ARL15: variants seen among roughly 807,000 people sequenced by gnomAD.
ARL15 encodes the protein ADP-ribosylation factor-like protein 15.
In ARL15, 19 loss-of-function variants were observed where a neutral mutation model predicts 25.2. That is an observed-to-expected ratio of 0.75 (90% CI 0.53 to 1.10). The LOEUF (loss-of-function observed/expected upper bound fraction) is 1.10, where lower values mean the gene tolerates loss of function less well. Ranked by LOEUF, ARL15 falls within the 50% of genes least tolerant of loss-of-function variation. The pLI, the probability that ARL15 is intolerant of heterozygous loss-of-function variation, is 0.00. For synonymous variants in ARL15, 94 were observed against 86.8 expected, an observed-to-expected ratio of 1.08 and a Z score of -0.46; for missense variants, 220 against 246.0, an observed-to-expected ratio of 0.89 and a Z score of 0.71.
intron 4 of ARL15, among the ~76,000 whole-genome samples, chr5:53,932,144 C>T (rs702621): frequency 0.9 from 137,686 of 152,302 alleles, 62,561 homozygotes; most frequent in African/African-American, 0.94. Context: ...AGTGCCCACA[C>T]ATTGCTACAT....
At chr5:54,096,286 T>C (rs1386276522) in intron 4 of ARL15, among the ~76,000 whole-genome samples, 1 of 152,246 alleles carries the variant, frequency 6.6e-6, no homozygotes, top group African/African-American at 2.4e-5. Flanking sequence ...TCTTTGTACC[T>C]GTCATTCTGT....
At chr5:54,228,727 T>C (rs959522830) in intron 1 of ARL15, among the ~76,000 whole-genome samples, 2 of 152,182 alleles carry the variant, frequency 1.3e-5, no homozygotes, top group East Asian at 1.9e-4. Flanking sequence ...AAGAAAAATA[T>C]TCCCTTTAAT....
At chr5:54,180,967 G>A (rs1490022724) in intron 1 of ARL15, among the ~76,000 whole-genome samples, 1 of 152,080 alleles carries the variant, frequency 6.6e-6, no homozygotes, top group Non-Finnish European at 1.5e-5. Flanking sequence ...GGGCCCACGT[G>A]GCTCCCAGTC....
At chr5:54,062,356 G>A (rs866253556) in intron 4 of ARL15, among the ~76,000 whole-genome samples, 21 of 152,098 alleles carry the variant, frequency 1.4e-4, no homozygotes, top group Non-Finnish European at 2.2e-4. Flanking sequence ...AGGGGCCAGC[G>A]GCAGAACGAT....
At chr5:54,134,568 C>CTTTTTTTTTTTTTTTTTTTTTTTT (rs5867914) in intron 3 of ARL15, among the ~76,000 whole-genome samples, 2 of 51,774 alleles carry the variant, frequency 3.9e-5, no homozygotes, top group Non-Finnish European at 3.4e-5. Context: ...GAATGATTAG[C>CTTTTTTTTTTTTTTTTTTTTTTTT]TTTTTTTTTT....
At chr5:53,915,888 C>T (rs1276879593) in intron 4 of ARL15, among the ~76,000 whole-genome samples, 1 of 152,120 alleles carries the variant, frequency 6.6e-6, no homozygotes, top group African/African-American at 2.4e-5. Flanking sequence ...AGTGATTCGC[C>T]TCTTGGTTCC....
At chr5:53,887,556 T>C (rs1744573623) in intron 4 of ARL15, among the ~76,000 whole-genome samples, 2 of 152,208 alleles carry the variant, frequency 1.3e-5, no homozygotes, top group Admixed American at 1.3e-4. Flanking sequence ...TCTAGAAGTA[T>C]TGATGATCTT....
chr5:54,047,018 C>T (rs1212316039), intron 4 of ARL15, among the ~76,000 whole-genome samples: 1 of 152,112 alleles, frequency 6.6e-6, no homozygotes, highest in Non-Finnish European at 1.5e-5. Context: ...TCAGTAACCC[C>T]GGGAACTGGG....
chr5:54,006,595 G>A (rs1749053200), intron 4 of ARL15, among the ~76,000 whole-genome samples: 1 of 151,948 alleles, frequency 6.6e-6, no homozygotes, highest in Non-Finnish European at 1.5e-5. Flanking sequence ...ATTTTGCACA[G>A]AATGGAATTA....
chr5:54,225,915 T>A (rs923596441), intron 1 of ARL15, among the ~76,000 whole-genome samples: 2 of 152,130 alleles, frequency 1.3e-5, no homozygotes, highest in Admixed American at 1.3e-4. Flanking sequence ...GGAAAGCTGA[T>A]GGAAATGGGA....
At chr5:54,253,040 T>G (rs1054911726) in intron 1 of ARL15, among the ~76,000 whole-genome samples, 2 of 152,054 alleles carry the variant, frequency 1.3e-5, no homozygotes, top group Non-Finnish European at 2.9e-5. Context: ...GTCAAGTTTT[T>G]TTTTTTAAAA....
At chr5:54,233,307 G>A (rs1248665561) in intron 1 of ARL15, among the ~76,000 whole-genome samples, 1 of 151,990 alleles carries the variant, frequency 6.6e-6, no homozygotes, top group East Asian at 1.9e-4. Flanking sequence ...TGACTTACAG[G>A]CAAACTATAA....
chr5:54,101,321 A>C (rs2112178333), intron 4 of ARL15, among the ~76,000 whole-genome samples: 1 of 152,264 alleles, frequency 6.6e-6, no homozygotes, highest in East Asian at 1.9e-4. Flanking sequence ...AGTATAAATA[A>C]AAACAAATAA....
chr5:54,055,428 T>G (rs1275308844), intron 4 of ARL15, among the ~76,000 whole-genome samples: 1 of 150,392 alleles, frequency 6.6e-6, no homozygotes, highest in African/African-American at 2.5e-5. Flanking sequence ...TGGCGTGATC[T>G]TGGCTCACTG....
intron 3 of ARL15, among the ~76,000 whole-genome samples, chr5:54,148,085 ACT>A (rs887832470): frequency 1.8e-4 from 27 of 152,256 alleles, no homozygotes; most frequent in African/African-American, 6.0e-4. Flanking sequence ...ATAAAATGAG[ACT>A]CTGACGAAAG....
At chr5:54,023,468 G>T (rs1749679645) in intron 4 of ARL15, among the ~76,000 whole-genome samples, 3 of 151,886 alleles carry the variant, frequency 2.0e-5, no homozygotes, top group South Asian at 4.2e-4. Flanking sequence ...GGAAATACAG[G>T]ATTGACTCTA....
intron 1 of ARL15, among the ~76,000 whole-genome samples, chr5:54,286,645 G>A (rs1467337885): frequency 1.3e-5 from 2 of 152,240 alleles, no homozygotes; most frequent in East Asian, 1.9e-4. Context: ...AAAATCACAC[G>A]TAATATCCAG....
intron 4 of ARL15, among the ~76,000 whole-genome samples, chr5:54,001,143 G>C (rs569655369): frequency 2.5e-4 from 38 of 152,248 alleles, no homozygotes; most frequent in African/African-American, 8.9e-4. Context: ...AAATTATGTA[G>C]CCAGCCCTGC....
At chr5:54,095,538 C>G (rs867943442) in intron 4 of ARL15, among the ~76,000 whole-genome samples, 1 of 152,126 alleles carries the variant, frequency 6.6e-6, no homozygotes, top group African/African-American at 2.4e-5. Context: ...AGGGAGGAAG[C>G]TGGATGTTTA....
Sources: allele counts gnomAD v4.1 joint callset (sites outside exome capture counted in the v4.1 genomes callset), GRCh38; gene constraint gnomAD v4.1.1; transcripts MANE v1.5; gene names NCBI Gene and HGNC (gene_info 2026-07-23, HGNC 2026-07-21).